Variants in MTUS2 observed in about 807,000 individuals in gnomAD.
MTUS2 encodes microtubule-associated tumor suppressor candidate 2.
A neutral mutation model predicts 114.1 loss-of-function variants in MTUS2; 40 were observed. The observed-to-expected ratio is 0.35, with a 90% CI of 0.27 to 0.46. The LOEUF (loss-of-function observed/expected upper bound fraction) is 0.46, where lower values mean the gene tolerates loss of function less well. Ranked by LOEUF, MTUS2 falls within the 20% of genes least tolerant of loss-of-function variation. MTUS2 has a pLI of 1.00. For synonymous variants in MTUS2, 688 were observed against 672.0 expected (o/e 1.02, Z -0.37); for missense variants, 1,679 against 1,705.4 (o/e 0.98, Z 0.27).
intron 5 of MTUS2, among the ~76,000 whole-genome samples, chr13:29,201,863 G>A (rs914240417): frequency 3.9e-5 from 6 of 152,236 alleles, no homozygotes; most frequent in East Asian, 3.9e-4. Flanking sequence ...TGGTTTCTGC[G>A]GAGAGATCTG....
At chr13:29,476,098 A>G (rs79458206) in intron 9 of MTUS2, among the ~76,000 whole-genome samples, 7,351 of 152,274 alleles carry the variant, frequency 0.048, 595 homozygotes, top group African/African-American at 0.17. Context: ...TAGATTCACA[A>G]ATACTTAGCA....
At chr13:28,830,054 T>A (rs1460907895) in intron 1 of MTUS2, among the ~76,000 whole-genome samples, 1 of 152,124 alleles carries the variant, frequency 6.6e-6, no homozygotes, top group East Asian at 1.9e-4. Flanking sequence ...GAAATCTCTG[T>A]ACCGTCATTA....
chr13:28,903,518 G>T (rs922852660), intron 2 of MTUS2, among the ~76,000 whole-genome samples: 10 of 149,566 alleles, frequency 6.7e-5, no homozygotes, highest in Admixed American at 1.3e-4. Context: ...GCTGTGTTTG[G>T]TTTTTTGTGC....
intron 5 of MTUS2, among the ~76,000 whole-genome samples, chr13:29,253,549 T>C (rs1341410129): frequency 6.6e-6 from 1 of 152,194 alleles, no homozygotes; most frequent in Non-Finnish European, 1.5e-5. Flanking sequence ...TCCTGAGCTC[T>C]TTTATTTATT....
At chr13:28,945,149 C>A (rs747380686) in intron 2 of MTUS2, among the ~76,000 whole-genome samples, 1 of 148,952 alleles carries the variant, frequency 6.7e-6, no homozygotes, top group Non-Finnish European at 1.5e-5. Context: ...AGACATGATT[C>A]GTTGTTTTTT....
intron 1 of MTUS2, among the ~76,000 whole-genome samples, chr13:28,828,770 A>C (rs1302433559): frequency 6.6e-6 from 1 of 152,198 alleles, no homozygotes; most frequent in Non-Finnish European, 1.5e-5. Context: ...AATCAAGATT[A>C]ATGCAAAAAA....
At chr13:29,233,096 G>C (rs989202090) in intron 5 of MTUS2, among the ~76,000 whole-genome samples, 1 of 152,192 alleles carries the variant, frequency 6.6e-6, no homozygotes, top group Non-Finnish European at 1.5e-5. Flanking sequence ...TCCATCATGT[G>C]TTGGCCTTAC....
chr13:28,896,337 C>T (rs956134738), intron 2 of MTUS2, among the ~76,000 whole-genome samples: 1 of 152,150 alleles, frequency 6.6e-6, no homozygotes, highest in Admixed American at 6.5e-5. Context: ...ACGAATCCAA[C>T]TTACAAGGGA....
chr13:29,229,890 C>T (rs4098154), intron 5 of MTUS2, among the ~76,000 whole-genome samples: 125,608 of 152,240 alleles, frequency 0.83, 51,860 homozygotes, highest in East Asian at 0.89. Context: ...TGAATGAAGA[C>T]GACATCATCA....
chr13:29,193,997 G>T (rs1894560902), intron 5 of MTUS2, among the ~76,000 whole-genome samples: 1 of 151,770 alleles, frequency 6.6e-6, no homozygotes, highest in Non-Finnish European at 1.5e-5. Context: ...ATGGGGAAAG[G>T]ATTCCCTATT....
chr13:29,311,380 C>T (rs1172671319), intron 6 of MTUS2, among the ~76,000 whole-genome samples: 1 of 151,984 alleles, frequency 6.6e-6, no homozygotes, highest in African/African-American at 2.4e-5. Context: ...TTAAACTGCA[C>T]AGATAAGTGT....
At chr13:29,319,706 C>G (rs1900172350) in intron 6 of MTUS2, among the ~76,000 whole-genome samples, 1 of 152,082 alleles carries the variant, frequency 6.6e-6, no homozygotes, top group Admixed American at 6.5e-5. Flanking sequence ...GGTTGATTCC[C>G]CAAAGGTCAG....
chr13:29,321,531 T>C (rs567833469), intron 6 of MTUS2, among the ~76,000 whole-genome samples: 1 of 152,364 alleles, frequency 6.6e-6, no homozygotes, highest in African/African-American at 2.4e-5. Flanking sequence ...TGTGTTCCTA[T>C]GGTAAGTTTT....
chr13:29,476,725 A>G (rs943631731), intron 9 of MTUS2: 1 of 152,212 alleles, frequency 6.6e-6, no homozygotes. Context: ...ATTTTGAAAG[A>G]TATCTTTTCC....
At chr13:29,130,810 G>A (rs1388622018) in intron 5 of MTUS2, among the ~76,000 whole-genome samples, 2 of 152,080 alleles carry the variant, frequency 1.3e-5, no homozygotes, top group Non-Finnish European at 2.9e-5. Context: ...ATTTTTAGTA[G>A]AGACGGGGTT....
rs572952883 is a variant in MTUS2, at chr13:29,229,574, G to A, written c.2645-52130G>A. On this transcript the variant is annotated intron_variant, in intron 5 of 15. Coordinates refer to ENST00000612955, the MANE Select transcript of MTUS2 (RefSeq NM_001033602.4). The stretch of plus-strand genomic sequence containing the variant: ...AAATTTGGATGTTTGGGTTGGACTC[G>A]GTCTCAATTTACCATTTTAATTTCT... Among the ~76,000 whole-genome samples the A allele has an allele frequency of 1.5e-3, 233 of 152,128 alleles. 1 individual carries two copies. Among genetic ancestry groups the A allele is most frequent in the African/African-American group, 5.2e-3 (217 of 41,502 alleles).
At chr13:29,269,018 A>G (rs992025773) in intron 5 of MTUS2, among the ~76,000 whole-genome samples, 3 of 152,136 alleles carry the variant, frequency 2.0e-5, no homozygotes, top group Non-Finnish European at 2.9e-5. Flanking sequence ...TTTATTGTCT[A>G]TCCCCAACTA....
intron 2 of MTUS2, among the ~76,000 whole-genome samples, chr13:28,997,358 T>G (rs1163099201): frequency 1.3e-5 from 2 of 152,236 alleles, no homozygotes; most frequent in Non-Finnish European, 2.9e-5. Flanking sequence ...GAAAAAAATG[T>G]ATATTCTGTT....
chr13:28,949,035 A>G (rs747982885), intron 2 of MTUS2, among the ~76,000 whole-genome samples: 38 of 152,370 alleles, frequency 2.5e-4, no homozygotes, highest in Non-Finnish European at 5.1e-4. Context: ...TGTAGTATAT[A>G]AAAGGGAACA....
Sources: allele counts gnomAD v4.1 joint callset (sites outside exome capture counted in the v4.1 genomes callset), GRCh38; gene constraint gnomAD v4.1.1; transcripts MANE v1.5; gene names NCBI Gene and HGNC (gene_info 2026-07-23, HGNC 2026-07-21).